Variants in LAMA2 observed in about 807,000 individuals in gnomAD.
LAMA2 encodes laminin subunit alpha 2.
A neutral mutation model predicts 364.8 loss-of-function variants in LAMA2; 269 were observed. The ratio of observed to expected loss-of-function variants is 0.74; its 90% CI spans 0.67 to 0.82. The LOEUF is 0.82. LAMA2 is among the 40% of genes least tolerant of loss of function. The pLI is 0.00. For missense variants in LAMA2, 3,807 were observed against 3,873.2 expected (o/e 0.98, Z 0.45); for synonymous variants, 1,379 against 1,370.6 (o/e 1.01, Z -0.14).
At chr6:129,050,118 G>T (rs200840814) in intron 2 of LAMA2, 30 bp downstream of exon 2, 34 of 1,611,194 alleles carry the variant, frequency 2.1e-5, no homozygotes, top group South Asian at 1.2e-4. Context: ...GGTGTGTGGC[G>T]CTGGGTAGGA....
intron 17 of LAMA2, among the ~76,000 whole-genome samples, chr6:129,278,907 A>G (rs1788513793): frequency 6.6e-6 from 1 of 152,206 alleles, no homozygotes; most frequent in Admixed American, 6.5e-5. Context: ...GTTAAGCCAG[A>G]GAAATACTAT....
intron 1 of LAMA2, among the ~76,000 whole-genome samples, chr6:128,919,334 C>T (rs903210557): frequency 2.0e-5 from 3 of 152,168 alleles, no homozygotes; most frequent in East Asian, 3.9e-4. Flanking sequence ...GTATAACTTA[C>T]GTCAGTCAAT....
At chr6:129,453,876 A>G (rs1178809393) in intron 46 of LAMA2, among the ~76,000 whole-genome samples, 1 of 151,622 alleles carries the variant, frequency 6.6e-6, no homozygotes, top group Non-Finnish European at 1.5e-5. Context: ...AGAGTGAGAA[A>G]GGCTTTGGTC....
chr6:128,923,868 T>C (rs1778912603), intron 1 of LAMA2, among the ~76,000 whole-genome samples: 1 of 152,172 alleles, frequency 6.6e-6, no homozygotes, highest in African/African-American at 2.4e-5. Context: ...TGTTTCCAAC[T>C]CAGGAAATGC....
At chr6:129,438,910 G>T (rs1323137602) in intron 42 of LAMA2, 148 bp downstream of exon 42, 1 of 654,490 alleles carries the variant, frequency 1.5e-6, no homozygotes, top group Non-Finnish European at 2.8e-6. Context: ...TCTTCTTTGT[G>T]AGAATGAGAA....
intron 45 of LAMA2, among the ~76,000 whole-genome samples, chr6:129,447,854 G>T (rs1371065149): frequency 6.6e-6 from 1 of 152,194 alleles, no homozygotes; most frequent in Admixed American, 6.5e-5. Flanking sequence ...CACATTTTCT[G>T]ACTTAGTCAT....
chr6:128,939,024 C>G (rs184822678), intron 1 of LAMA2, among the ~76,000 whole-genome samples: 1 of 152,068 alleles, frequency 6.6e-6, no homozygotes, highest in Non-Finnish European at 1.5e-5. Context: ...TTATTTGGAA[C>G]AGTTATTCAG....
At chr6:129,250,502 G>A (rs1418725711) in intron 13 of LAMA2, among the ~76,000 whole-genome samples, 2 of 152,048 alleles carry the variant, frequency 1.3e-5, no homozygotes, top group Non-Finnish European at 2.9e-5. Flanking sequence ...AAAGTGTTTA[G>A]GTACATGCTA....
intron 2 of LAMA2, among the ~76,000 whole-genome samples, chr6:129,051,693 GA>G (rs1788044326): frequency 8.5e-6 from 1 of 117,316 alleles, no homozygotes; most frequent in Non-Finnish European, 1.9e-5. Context: ...TATATCTATA[GA>G]TCGATCTATA....
At chr6:128,936,149 G>A (rs537390321) in intron 1 of LAMA2, among the ~76,000 whole-genome samples, 20 of 152,316 alleles carry the variant, frequency 1.3e-4, no homozygotes, top group East Asian at 9.6e-4. Context: ...CTCCCCAGCC[G>A]TGCTGAACTG....
At chr6:129,105,417 G>A (rs1775762910) in intron 4 of LAMA2, among the ~76,000 whole-genome samples, 1 of 152,082 alleles carries the variant, frequency 6.6e-6, no homozygotes, top group Admixed American at 6.5e-5. Flanking sequence ...AATCACCTAG[G>A]AGCATTTGAA....
At chr6:128,913,893 T>C (rs1216079033) in intron 1 of LAMA2, among the ~76,000 whole-genome samples, 4 of 152,136 alleles carry the variant, frequency 2.6e-5, no homozygotes, top group Non-Finnish European at 4.4e-5. Context: ...AGCCAAAGTC[T>C]TAGTTACCTT....
intron 29 of LAMA2, among the ~76,000 whole-genome samples, chr6:129,331,316 T>G (rs1434131400): frequency 6.6e-6 from 1 of 152,158 alleles, no homozygotes; most frequent in Non-Finnish European, 1.5e-5. Context: ...ATCCTTTTTC[T>G]TTTCCACATT....
chr6:128,896,409 A>ATT (rs1170937153), intron 1 of LAMA2, among the ~76,000 whole-genome samples: 8 of 140,396 alleles, frequency 5.7e-5, no homozygotes, highest in African/African-American at 1.0e-4. Flanking sequence ...CCCTCCTTCC[A>ATT]TTTTTTTTTT....
chr6:128,891,412 C>A (rs906954018), intron 1 of LAMA2, among the ~76,000 whole-genome samples: 17 of 152,002 alleles, frequency 1.1e-4, no homozygotes, highest in African/African-American at 4.1e-4. Context: ...GACACAATTT[C>A]CTGGCTTTAT....
chr6:128,941,112 T>C (rs1414704023), intron 1 of LAMA2, among the ~76,000 whole-genome samples: 5 of 152,162 alleles, frequency 3.3e-5, no homozygotes, highest in Non-Finnish European at 7.4e-5. Flanking sequence ...TTTTAAGAAC[T>C]TGTCTGAAAA....
At chr6:129,238,685 A>T (rs977039169) in intron 12 of LAMA2, among the ~76,000 whole-genome samples, 1 of 152,086 alleles carries the variant, frequency 6.6e-6, no homozygotes, top group Non-Finnish European at 1.5e-5. Context: ...AGTATCACCA[A>T]AGTAACAGTG....
chr6:129,503,303 C>A, intron 60 of LAMA2, 23 bp downstream of exon 60: 1 of 1,603,278 alleles, frequency 6.2e-7, no homozygotes, highest in Non-Finnish European at 8.5e-7. Context: ...TGGATATTGG[C>A]AGTACCCTAA....
At chr6:129,153,397 C>T (rs1228851505) in intron 7 of LAMA2, among the ~76,000 whole-genome samples, 1 of 152,204 alleles carries the variant, frequency 6.6e-6, no homozygotes, top group East Asian at 1.9e-4. Flanking sequence ...AGCACACCCA[C>T]ATCCAAGACA....
Sources: allele counts gnomAD v4.1 joint callset (sites outside exome capture counted in the v4.1 genomes callset), GRCh38; gene constraint gnomAD v4.1.1; transcripts MANE v1.5; gene names NCBI Gene and HGNC (gene_info 2026-07-23, HGNC 2026-07-21).